The following ADARB2 variants were observed in gnomAD, a reference collection of about 807,000 sequenced individuals.
ADARB2 encodes adenosine deaminase RNA specific B2 (inactive), also known as inactive double-stranded RNA-specific editase B2.
Under a neutral mutation model 62.2 loss-of-function variants are expected in ADARB2, and 25 were observed. The ratio of observed to expected loss-of-function variants is 0.40; its 90% CI spans 0.29 to 0.56. The LOEUF is 0.56. ADARB2 is among the 20% of genes least tolerant of loss of function. The probability of loss-of-function intolerance (pLI) is 0.43; values close to 1 mark genes in which losing one functional copy is unlikely to be tolerated. For synonymous variants in ADARB2, 572 were observed against 500.8 expected, an observed-to-expected ratio of 1.14 and a Z score of -1.90; for missense variants, 1,071 against 1,077.4, an observed-to-expected ratio of 0.99 and a Z score of 0.08.
At chr10:1,252,867 A>G (rs1012179428) in intron 4 of ADARB2, among the ~76,000 whole-genome samples, 3 of 152,190 alleles carry the variant, frequency 2.0e-5, no homozygotes, top group Non-Finnish European at 4.4e-5. Context: ...GGCTTTCCTC[A>G]GGAATCAGAA....
At chr10:1,328,988 CCCTGT>C (rs1263463372) in intron 3 of ADARB2, among the ~76,000 whole-genome samples, 40 of 122,364 alleles carry the variant, frequency 3.3e-4, no homozygotes, top group Non-Finnish European at 5.3e-4. Context: ...CAGAACAAGA[CCCTGT>C]CTTAAAAAAA....
intron 1 of ADARB2, among the ~76,000 whole-genome samples, chr10:1,722,199 C>T (rs1042237624): frequency 2.0e-5 from 3 of 152,122 alleles, no homozygotes; most frequent in African/African-American, 4.8e-5. Context: ...GAGGGTCGCA[C>T]TTATTTAACC....
At chr10:1,605,998 G>A (rs932451999) in intron 1 of ADARB2, among the ~76,000 whole-genome samples, 1 of 152,194 alleles carries the variant, frequency 6.6e-6, no homozygotes, top group African/African-American at 2.4e-5. Context: ...TAGTGATCAC[G>A]ATGTTTACCA....
chr10:1,687,595 C>A (rs1208393530), intron 1 of ADARB2, among the ~76,000 whole-genome samples: 4 of 149,808 alleles, frequency 2.7e-5, no homozygotes, highest in African/African-American at 9.9e-5. Context: ...GCATTAGATT[C>A]AAAAATAAAT....
chr10:1,293,189 CAGGAATAGAAAAAAGA>C (rs1831489186), intron 3 of ADARB2, among the ~76,000 whole-genome samples: 1 of 11,694 alleles, frequency 8.6e-5, no homozygotes, highest in African/African-American at 3.6e-4. Context: ...GAGAGAAAGA[CAGGAATAGAAAAAAGA>C]GGGAGGGAGG....
intron 1 of ADARB2, among the ~76,000 whole-genome samples, chr10:1,455,724 C>A (rs1393355522): frequency 2.0e-5 from 3 of 152,158 alleles, no homozygotes; most frequent in African/African-American, 7.2e-5. Context: ...TTCCAAATTT[C>A]TTCATGGATA....
chr10:1,535,884 T>TC (rs1832325446), intron 1 of ADARB2, among the ~76,000 whole-genome samples: 1 of 152,168 alleles, frequency 6.6e-6, no homozygotes, highest in African/African-American at 2.4e-5. Flanking sequence ...GGCCAGGGTG[T>TC]GGTCAGGGCC....
At chr10:1,389,626 C>T (rs192321415) in intron 1 of ADARB2, among the ~76,000 whole-genome samples, 125 of 151,980 alleles carry the variant, frequency 8.2e-4, no homozygotes, top group African/African-American at 2.9e-3. Context: ...ACCTATAATC[C>T]CTGCTACTTG....
At chr10:1,595,157 C>T (rs920420432) in intron 1 of ADARB2, among the ~76,000 whole-genome samples, 2 of 152,164 alleles carry the variant, frequency 1.3e-5, no homozygotes, top group African/African-American at 2.4e-5. Context: ...GAGGTTCCTC[C>T]GCATGGATAA....
chr10:1,604,246 TATAAACA>T (rs879614618), intron 1 of ADARB2, among the ~76,000 whole-genome samples: 3 of 141,998 alleles, frequency 2.1e-5, no homozygotes, highest in Non-Finnish European at 4.9e-5. Flanking sequence ...CCTTATAAAG[TATAAACA>T]ATAAACAGTA....
intron 1 of ADARB2, among the ~76,000 whole-genome samples, chr10:1,729,964 C>G (rs1835211872): frequency 2.0e-5 from 3 of 152,182 alleles, no homozygotes; most frequent in Admixed American, 2.0e-4. Context: ...TGGAGCAGCA[C>G]AGATTAATTA....
chr10:1,733,646 C>A (rs756848557), intron 1 of ADARB2, among the ~76,000 whole-genome samples: 7 of 152,060 alleles, frequency 4.6e-5, no homozygotes, highest in Non-Finnish European at 8.8e-5. Flanking sequence ...CAAAAAAAAC[C>A]CTTTTTCTTT....
chr10:1,602,268 C>G (rs1406733241), intron 1 of ADARB2, among the ~76,000 whole-genome samples: 1 of 152,210 alleles, frequency 6.6e-6, no homozygotes, highest in Non-Finnish European at 1.5e-5. Context: ...GGAGCCGCTT[C>G]CCGAGGTTCC....
chr10:1,222,810 T>A (rs1384191615), intron 6 of ADARB2, among the ~76,000 whole-genome samples: 1 of 150,140 alleles, frequency 6.7e-6, no homozygotes, highest in Non-Finnish European at 1.5e-5. Context: ...GCTGTTTTGG[T>A]TACTGTAGCC....
At chr10:1,308,080 TAAA>T (rs1005906412) in intron 3 of ADARB2, among the ~76,000 whole-genome samples, 1 of 113,750 alleles carries the variant, frequency 8.8e-6, no homozygotes, top group Non-Finnish European at 2.0e-5. Context: ...TAAAGTATAA[TAAA>T]AAAAATAAAT....
At chr10:1,302,975 C>T (rs1421296381) in intron 3 of ADARB2, among the ~76,000 whole-genome samples, 12 of 152,312 alleles carry the variant, frequency 7.9e-5, no homozygotes, top group Middle Eastern at 3.4e-3. Flanking sequence ...GAGCGCCTCT[C>T]CTCCTCCAAA....
chr10:1,187,356 C>G (rs1836773999), intron 8 of ADARB2, among the ~76,000 whole-genome samples: 1 of 152,172 alleles, frequency 6.6e-6, no homozygotes, highest in Non-Finnish European at 1.5e-5. Flanking sequence ...CCTCCCACTC[C>G]CGTCACCAGG....
intron 1 of ADARB2, among the ~76,000 whole-genome samples, chr10:1,570,270 C>T (rs755024199): frequency 1.3e-4 from 20 of 152,170 alleles, no homozygotes; most frequent in Middle Eastern, 3.2e-3. Context: ...GGATTTAGCT[C>T]GAGACTGCTT....
At chr10:1,217,690 T>A (rs1830644707) in intron 6 of ADARB2, among the ~76,000 whole-genome samples, 1 of 152,168 alleles carries the variant, frequency 6.6e-6, no homozygotes, top group South Asian at 2.1e-4. Context: ...TGTCTCAAAG[T>A]CACTGTGACC....
Sources: gnomAD v4.1 joint callset for allele counts (sites outside exome capture counted in the v4.1 genomes callset) on GRCh38, gnomAD v4.1.1 for gene constraint, MANE v1.5 for transcripts, NCBI Gene and HGNC (gene_info 2026-07-23, HGNC 2026-07-21) for gene names.